MAJIN: variants seen among roughly 807,000 people sequenced by gnomAD.
MAJIN encodes the protein membrane-anchored junction protein.
Under a neutral mutation model 30.2 loss-of-function variants are expected in MAJIN, and 27 were observed. The ratio of observed to expected loss-of-function variants is 0.89; its 90% CI spans 0.66 to 1.23. The LOEUF is 1.23. Ranked by LOEUF, MAJIN falls within the 50% of genes most tolerant of loss-of-function variation. The pLI is 0.00. For synonymous variants in MAJIN, 78 were observed against 91.6 expected, an observed-to-expected ratio of 0.85 and a Z score of 0.85; for missense variants, 253 against 260.3, an observed-to-expected ratio of 0.97 and a Z score of 0.19.
chr11:64,938,609 T>A (rs1189248456), intron 10 of MAJIN, 36 bp from the exon 11 acceptor site: 2 of 1,528,410 alleles, frequency 1.3e-6, no homozygotes, highest in Admixed American at 3.9e-5. Context: ...TGAGACTCTA[T>A]GAGGTCTCCT....
At chr11:64,946,204 A>C in intron 8 of MAJIN, 6 of 1,491,088 alleles carry the variant, frequency 4.0e-6, no homozygotes, top group Non-Finnish European at 4.5e-6. Flanking sequence ...AGGCAATATC[A>C]CTACATTCAA....
chr11:64,970,489 C>A (rs1468960463), intron 1 of MAJIN, among the ~76,000 whole-genome samples: 2 of 148,676 alleles, frequency 1.3e-5, no homozygotes, highest in African/African-American at 5.0e-5. Flanking sequence ...GCCTCAGCCT[C>A]CCAAGTAGCT....
At chr11:64,946,968 C>T (rs1030810838) in intron 8 of MAJIN, among the ~76,000 whole-genome samples, 15 of 152,158 alleles carry the variant, frequency 9.9e-5, no homozygotes, top group African/African-American at 3.1e-4. Context: ...AAGCTAACTG[C>T]TCACTGGGTA....
intron 3 of MAJIN, among the ~76,000 whole-genome samples, chr11:64,955,168 AAC>A (rs1216129061): frequency 6.6e-6 from 1 of 152,214 alleles, no homozygotes; most frequent in Non-Finnish European, 1.5e-5. Flanking sequence ...TAATATTTGT[AAC>A]CATGATTGCA....
intron 4 of MAJIN, among the ~76,000 whole-genome samples, chr11:64,952,758 G>A (rs891248642): frequency 1.3e-5 from 2 of 152,094 alleles, no homozygotes; most frequent in African/African-American, 2.4e-5. Flanking sequence ...AGGCTGGAGT[G>A]CAGTGGTGCG....
intron 1 of MAJIN, among the ~76,000 whole-genome samples, chr11:64,966,220 GGAAA>G (rs1417417530): frequency 6.8e-6 from 1 of 146,900 alleles, no homozygotes; most frequent in Non-Finnish European, 1.5e-5. Context: ...ATCCTTAGCT[GGAAA>G]GAAAGAAAGC....
chr11:64,944,092 T>G (rs938093009), intron 8 of MAJIN, among the ~76,000 whole-genome samples: 3 of 152,266 alleles, frequency 2.0e-5, no homozygotes, highest in Non-Finnish European at 4.4e-5. Flanking sequence ...GGTTTACATA[T>G]GTTTGTGTGT....
At chr11:64,971,462 GC>G (rs1237489374) in intron 1 of MAJIN, among the ~76,000 whole-genome samples, 2 of 150,666 alleles carry the variant, frequency 1.3e-5, no homozygotes, top group African/African-American at 4.9e-5. Context: ...GGAGGAAGTT[GC>G]GGGGGGGCGG....
At chr11:64,948,349 A>G (rs554930484) in intron 6 of MAJIN, among the ~76,000 whole-genome samples, 1 of 151,826 alleles carries the variant, frequency 6.6e-6, no homozygotes, top group South Asian at 2.1e-4. Flanking sequence ...GATCCTTACT[A>G]AAAAAGAAAA....
rs202169389 is a variant in MAJIN, at chr11:64,958,598, GAAAAAAA to G, written c.101+700_101+706del. Among the ~76,000 whole-genome samples, 23 of 102,554 alleles carry G rather than the reference GAAAAAAA, an allele frequency of 2.2e-4. No homozygotes were observed. In the East Asian group the frequency reaches 6.4e-3, roughly 28 times the overall value. 67.3% of individuals were successfully genotyped at this position (102,554 alleles called of 152,430 possible). Reference sequence around the variant, plus strand: ...CTACATGTGAAACCCTGTCTTGGGAGAAAAAAAAAAAAAAAAAAAGAAAGAAAAATTG... The same window carrying G: ...CTACATGTGAAACCCTGTCTTGGGAGAAAAAAAAAAAAGAAAGAAAAATTG... On this transcript the variant is annotated intron_variant, in intron 3 of 10. Coordinates refer to ENST00000301896, the MANE Select transcript of MAJIN (RefSeq NM_001037225.3).
At chr11:64,940,677 A>G in intron 8 of MAJIN, 31 bp from the exon 9 acceptor site, 1 of 1,593,954 alleles carries the variant, frequency 6.3e-7, no homozygotes, top group East Asian at 2.2e-5. Flanking sequence ...AAAAGCCTTA[A>G]ACTTTCCTCC....
intron 3 of MAJIN, 118 bp downstream of exon 3, chr11:64,959,187 G>T: frequency 1.5e-6 from 1 of 681,540 alleles, no homozygotes; most frequent in Non-Finnish European, 2.5e-6. Flanking sequence ...AGACAGTCCT[G>T]CAAGATGCTA....
At chr11:64,949,991 T>C in intron 5 of MAJIN, 123 bp from the exon 6 acceptor site, 1 of 1,288,962 alleles carries the variant, frequency 7.8e-7, no homozygotes, top group Non-Finnish European at 1.1e-6. Flanking sequence ...TTTTGCTACG[T>C]CCATTTGAGT....
intron 9 of MAJIN, 97 bp from the exon 10 acceptor site, chr11:64,939,864 C>CT: frequency 9.5e-7 from 1 of 1,055,732 alleles, no homozygotes. Context: ...CAGAGGCAGT[C>CT]TCACGCCAAG....
chr11:64,943,200 A>AAAC (rs750862449), intron 8 of MAJIN, among the ~76,000 whole-genome samples: 11 of 152,182 alleles, frequency 7.2e-5, no homozygotes, highest in Admixed American at 6.5e-4. Context: ...AGATATAGCA[A>AAAC]AACAACAACA....
chr11:64,940,494 G>T, intron 9 of MAJIN, 80 bp downstream of exon 9: 2 of 1,444,290 alleles, frequency 1.4e-6, no homozygotes, highest in Non-Finnish European at 1.9e-6. Flanking sequence ...ACTCAGCTCT[G>T]TGCTGCTCTA....
chr11:64,946,253 ATTG>A lies in MAJIN; in HGVS notation c.473+1118_473+1120del, dbSNP rs1437495383. 8.9e-5 allele frequency: 115 copies of A among 1,286,248 alleles called. No individual in the cohort carries two copies. In the East Asian group the frequency reaches 3.1e-3, roughly 35 times the overall value. The allele number at this position is 1,286,248 out of a possible 1,614,324, so 79.7% of individuals were successfully genotyped here. ...AAATGAATATTTCAGCAGGTTGGCT[ATTG>A]TTATACTACTCCTGGCTGGCAGAAT... On this transcript the variant is annotated intron_variant, in intron 8 of 10. Transcript: ENST00000301896.
intron 4 of MAJIN, chr11:64,954,458 C>T (rs1330202015): frequency 3.4e-5 from 16 of 473,528 alleles, no homozygotes; most frequent in South Asian, 2.1e-4. Context: ...GGCAGTCCTC[C>T]GGAATCTTTC....
At chr11:64,944,676 T>G (rs1003445564) in intron 8 of MAJIN, among the ~76,000 whole-genome samples, 16 of 152,018 alleles carry the variant, frequency 1.1e-4, no homozygotes, top group Admixed American at 1.0e-3. Flanking sequence ...AAAAAAAAAT[T>G]TGTTGAATGA....
Sources: gnomAD v4.1 joint callset for allele counts (sites outside exome capture counted in the v4.1 genomes callset) on GRCh38, gnomAD v4.1.1 for gene constraint, MANE v1.5 for transcripts, NCBI Gene and HGNC (gene_info 2026-07-23, HGNC 2026-07-21) for gene names.